Variants in DIAPH2 observed in about 807,000 individuals in gnomAD.
DIAPH2 encodes the protein diaphanous related formin 2, also known as protein diaphanous homolog 2.
DIAPH2 carries 35 observed loss-of-function variants against 92.7 expected under a neutral mutation model. The observed-to-expected ratio is 0.38, with a 90% CI of 0.29 to 0.50. The LOEUF is 0.50. DIAPH2 is among the 20% of genes least tolerant of loss of function. The probability of loss-of-function intolerance (pLI) is 0.94; values close to 1 mark genes in which losing one functional copy is unlikely to be tolerated. For synonymous variants in DIAPH2, 301 were observed against 280.4 expected, an observed-to-expected ratio of 1.07 and a Z score of -0.73; for missense variants, 701 against 819.5, an observed-to-expected ratio of 0.86 and a Z score of 1.77.
At chrX:97,365,894 G>T (rs906819484) in intron 24 of DIAPH2, among the ~76,000 whole-genome samples, 1 of 109,786 alleles carries the variant, frequency 9.1e-6, no homozygotes, top group African/African-American at 3.3e-5. Context: ...TAGAGACAGG[G>T]TTACCATGTT....
intron 22 of DIAPH2, among the ~76,000 whole-genome samples, chrX:97,168,580 T>A (rs770913848): frequency 2.2e-4 from 24 of 110,577 alleles, no homozygotes; most frequent in African/African-American, 7.6e-4. Flanking sequence ...AAAATACATT[T>A]AAAAAAAAAC....
At chrX:97,384,158 A>C in intron 25 of DIAPH2, 114 bp downstream of exon 25, 4 of 650,371 alleles carry the variant, frequency 6.2e-6, no homozygotes, top group Non-Finnish European at 9.1e-6. Flanking sequence ...AGTATTAGTT[A>C]CTTGTGCTAA....
intron 17 of DIAPH2, among the ~76,000 whole-genome samples, chrX:96,998,128 C>T (rs937326991): frequency 8.9e-6 from 1 of 111,815 alleles, no homozygotes; most frequent in Non-Finnish European, 1.9e-5. Context: ...CTTCTATATC[C>T]TGTGATATAA....
intron 23 of DIAPH2, among the ~76,000 whole-genome samples, chrX:97,307,298 C>A (rs1396493148): frequency 8.9e-6 from 1 of 111,962 alleles, no homozygotes; most frequent in Non-Finnish European, 1.9e-5. Flanking sequence ...GAAGCATGCA[C>A]CTGCCTTTCA....
rs985129102 is a variant in DIAPH2 at position 96,932,363 on chromosome X, G to T, written c.1089+1520G>T. 5.4e-5 allele frequency among the ~76,000 whole-genome samples: 6 copies of T among 111,167 alleles called. No individual in the cohort carries two copies. In the Admixed American group the frequency reaches 5.8e-4, roughly 11 times the overall value. ...TATACTACTGAATGGCTAGTCAAGAGAACTGTGACTCTCATTTTAATTTAT... is the reference window on the plus strand; with the variant it reads ...TATACTACTGAATGGCTAGTCAAGATAACTGTGACTCTCATTTTAATTTAT... On this transcript the variant is annotated intron_variant, in intron 10 of 26. Coordinates refer to ENST00000324765, the MANE Select transcript of DIAPH2 (RefSeq NM_006729.5).
At chrX:96,688,358 G>A (rs897239496) in intron 1 of DIAPH2, among the ~76,000 whole-genome samples, 13 of 111,990 alleles carry the variant, frequency 1.2e-4, no homozygotes, top group Non-Finnish European at 1.7e-4. Context: ...ATTTTGAGAC[G>A]GAGTCTCGCT....
chrX:97,298,969 A>G (rs2068671068), intron 23 of DIAPH2, among the ~76,000 whole-genome samples: 2 of 111,705 alleles, frequency 1.8e-5, no homozygotes, highest in Non-Finnish European at 3.8e-5. Context: ...ACAAACCAGG[A>G]AGAATGTTAA....
chrX:96,736,460 G>C (rs1031220481), intron 2 of DIAPH2, among the ~76,000 whole-genome samples: 3 of 111,119 alleles, frequency 2.7e-5, no homozygotes, highest in Non-Finnish European at 3.8e-5. Context: ...GCGCGATCTC[G>C]GCTCACTGCA....
At chrX:97,569,761 C>T (rs1161928514) in intron 26 of DIAPH2, among the ~76,000 whole-genome samples, 1 of 109,797 alleles carries the variant, frequency 9.1e-6, no homozygotes, top group Non-Finnish European at 1.9e-5. Context: ...CATGCTATTG[C>T]TATCTTTCTT....
intron 22 of DIAPH2, among the ~76,000 whole-genome samples, chrX:97,247,402 G>T (rs2068151271): frequency 9.0e-6 from 1 of 111,294 alleles, no homozygotes; most frequent in African/African-American, 3.3e-5. Flanking sequence ...CTTCAAATTA[G>T]ATTTTAAAGA....
At chrX:96,833,226 C>A (rs936390927) in intron 4 of DIAPH2, among the ~76,000 whole-genome samples, 2 of 111,277 alleles carry the variant, frequency 1.8e-5, no homozygotes, top group Non-Finnish European at 1.9e-5. Context: ...TGGAATTAAA[C>A]ATTTATTGAA....
chrX:97,004,372 T>C (rs997394306), intron 17 of DIAPH2, among the ~76,000 whole-genome samples: 8 of 111,675 alleles, frequency 7.2e-5, no homozygotes, highest in Admixed American at 1.9e-4. Context: ...AGGGATCACA[T>C]TGAATTTGTA....
At chrX:97,076,458 G>C (rs2066705144) in intron 19 of DIAPH2, among the ~76,000 whole-genome samples, 1 of 111,491 alleles carries the variant, frequency 9.0e-6, no homozygotes, top group African/African-American at 3.3e-5. Context: ...CTTGAACCTG[G>C]GAGGTGGAGA....
chrX:97,099,864 A>G (rs5920744), intron 20 of DIAPH2, 69 bp downstream of exon 20: 33,861 of 517,655 alleles, frequency 0.065, 1,849 homozygotes, highest in African/African-American at 0.29. Context: ...CAGTGAAAAG[A>G]CAAACATTTC....
intron 26 of DIAPH2, among the ~76,000 whole-genome samples, chrX:97,518,935 G>A (rs1272148743): frequency 9.0e-6 from 1 of 111,450 alleles, no homozygotes; most frequent in Non-Finnish European, 1.9e-5. Flanking sequence ...GTTCCTGGAT[G>A]GTGACTCATA....
chrX:97,363,104 G>C (rs1213885284), intron 24 of DIAPH2, among the ~76,000 whole-genome samples: 1 of 112,238 alleles, frequency 8.9e-6, no homozygotes, highest in East Asian at 2.8e-4. Flanking sequence ...GGGCTTTATT[G>C]TTTCAGTTAA....
chrX:97,120,130 T>C (rs1176472994), intron 21 of DIAPH2, among the ~76,000 whole-genome samples: 1 of 111,444 alleles, frequency 9.0e-6, no homozygotes, highest in African/African-American at 3.3e-5. Flanking sequence ...GCTTTTCCCC[T>C]TGTGCCTCTG....
intron 23 of DIAPH2, among the ~76,000 whole-genome samples, chrX:97,253,606 C>G (rs774564653): frequency 9.1e-6 from 1 of 109,620 alleles, no homozygotes; most frequent in African/African-American, 3.3e-5. Context: ...AAAAATTAGC[C>G]AGGCATGGTG....
intron 24 of DIAPH2, among the ~76,000 whole-genome samples, chrX:97,366,443 A>G (rs774944392): frequency 1.9e-4 from 21 of 112,294 alleles, no homozygotes; most frequent in Admixed American, 9.4e-4. Context: ...TTTTCCTGGT[A>G]TAATTCTTGA....
Sources: allele counts gnomAD v4.1 joint callset (sites outside exome capture counted in the v4.1 genomes callset), GRCh38; gene constraint gnomAD v4.1.1; transcripts MANE v1.5; gene names NCBI Gene and HGNC (gene_info 2026-07-23, HGNC 2026-07-21).